Variants in TRABD2A observed in about 807,000 individuals in gnomAD.
TRABD2A encodes the protein metalloprotease TIKI1.
Under a neutral mutation model 45.6 loss-of-function variants are expected in TRABD2A, and 43 were observed. The observed-to-expected ratio is 0.94, with a 90% confidence interval of 0.74 to 1.22. TRABD2A has a LOEUF of 1.22. TRABD2A is among the 50% of genes most tolerant of loss of function. TRABD2A has a pLI of 0.00. For missense variants in TRABD2A, 642 were observed against 652.4 expected, an observed-to-expected ratio of 0.98 and a Z score of 0.17; for synonymous variants, 269 against 265.0, an observed-to-expected ratio of 1.02 and a Z score of -0.15.
At chr2:84,876,503 G>C (rs576797280) in intron 1 of TRABD2A, among the ~76,000 whole-genome samples, 2 of 152,292 alleles carry the variant, frequency 1.3e-5, no homozygotes, top group African/African-American at 4.8e-5. Context: ...AATAAATCAA[G>C]AATTTGAGAA....
chr2:84,875,787 G>A (rs1316562162), intron 1 of TRABD2A, among the ~76,000 whole-genome samples: 1 of 152,128 alleles, frequency 6.6e-6, no homozygotes, highest in Non-Finnish European at 1.5e-5. Context: ...GAGCCCAAAA[G>A]TTTGAGATCA....
intron 2 of TRABD2A, among the ~76,000 whole-genome samples, chr2:84,845,571 G>A (rs969179576): frequency 7.8e-6 from 1 of 127,932 alleles, no homozygotes; most frequent in Non-Finnish European, 1.6e-5. Context: ...AGACAAGGGC[G>A]GGGGAAGAAG....
rs1319085924 is a variant in TRABD2A at position 84,841,852 on chromosome 2, G to C, written c.816+9C>G. The C allele has an allele frequency of 5.3e-6, 8 of 1,512,038 alleles. No individual in the cohort carries two copies. The highest frequency in any genetic ancestry group is 5.2e-5 in the South Asian group (4 of 77,536). The allele number at this position is 1,512,038 out of a possible 1,614,324, so 93.7% of individuals were successfully genotyped here. On this transcript the variant is annotated intron_variant, in intron 3 of 6. Coordinates refer to ENST00000409520, the MANE Select transcript of TRABD2A (RefSeq NM_001277053.2). ...TGTGCTGAGCTTGGCAGGGGGAAAG[G>C]GTGCTCACCTGGGAGCTGTCATGGC...
intron 1 of TRABD2A, among the ~76,000 whole-genome samples, chr2:84,880,363 G>C (rs1452044996): frequency 6.6e-6 from 1 of 152,118 alleles, no homozygotes; most frequent in Admixed American, 6.5e-5. Flanking sequence ...TGGTCACTCC[G>C]CGAACGCACT....
intron 2 of TRABD2A, among the ~76,000 whole-genome samples, chr2:84,858,976 T>A (rs1198323550): frequency 3.9e-5 from 6 of 152,064 alleles, no homozygotes; most frequent in South Asian, 2.1e-4. Flanking sequence ...AAATAAAAAA[T>A]TTTTTAAAAA....
intron 2 of TRABD2A, among the ~76,000 whole-genome samples, chr2:84,865,411 A>G (rs1240815890): frequency 1.3e-5 from 2 of 152,234 alleles, no homozygotes; most frequent in African/African-American, 4.8e-5. Flanking sequence ...TTCAAATAAG[A>G]GCACCTCAGC....
In TRABD2A at chr2:84,822,181, G is replaced by T. The variant is rs147021786; in HGVS notation, c.1335-81C>A. 4.2e-5 allele frequency: 52 copies of T among 1,246,280 alleles called. No individual in the cohort carries two copies. The African/African-American group carries it at 6.7e-4, about 16-fold the overall frequency. The allele number at this position is 1,246,280 out of a possible 1,614,324, so 77.2% of individuals were successfully genotyped here. A position where few individuals can be genotyped will look rare whatever the true frequency, so the allele number is the denominator to read the frequency against. On this transcript the variant is annotated intron_variant, in intron 6 of 6. Transcript: ENST00000409520. ...GCCAAGGCCCCCAAATGCCCACACA[G>T]CTTCTCTTCATCTCCCCTCCTTATA...
intron 2 of TRABD2A, among the ~76,000 whole-genome samples, chr2:84,846,638 C>CAGCT (rs1432178087): frequency 1.3e-5 from 2 of 152,220 alleles, no homozygotes; most frequent in Non-Finnish European, 2.9e-5. Context: ...GCCTCAAAGA[C>CAGCT]AGCTTGGCCT....
Position 84,870,279 on chromosome 2 carries a change from T to C in TRABD2A, c.615A>G (p.Ala205=), listed in dbSNP as rs770536090. The change falls in exon 2 of 7, where the codon GCA becomes GCG. Residue 205 remains alanine (A), a synonymous_variant. Transcript: ENST00000409520. Reference sequence around the variant, plus strand: ...GGCACTGCTCTTCCACCTTTTCCACTGCCCCAGTCTGTTTCCTCAGCCGCT... The same window carrying C: ...GGCACTGCTCTTCCACCTTTTCCACCGCCCCAGTCTGTTTCCTCAGCCGCT... ...EAERLRKQTG[A]VEKVEEQCHP... The C allele has an allele frequency of 3.1e-6, 5 of 1,613,844 alleles. No individual in the cohort carries two copies. In the Admixed American group the frequency reaches 6.7e-5, roughly 22 times the overall value.
At chr2:84,868,475 C>G (rs1682758479) in intron 2 of TRABD2A, among the ~76,000 whole-genome samples, 1 of 149,916 alleles carries the variant, frequency 6.7e-6, no homozygotes, top group Admixed American at 6.6e-5. Context: ...TTATCCTCCC[C>G]CATTAACTAA....
At chr2:84,842,073 G>C (rs1681730144) in intron 2 of TRABD2A, 66 bp from the exon 3 acceptor site, 1 of 1,413,966 alleles carries the variant, frequency 7.1e-7, no homozygotes, top group Non-Finnish European at 9.3e-7. Context: ...TATTTCTTTT[G>C]TCCATGGCTG....
chr2:84,847,596 C>T (rs577228161), intron 2 of TRABD2A, among the ~76,000 whole-genome samples: 5 of 152,270 alleles, frequency 3.3e-5, no homozygotes, highest in African/African-American at 1.2e-4. Context: ...GGACAGTGGC[C>T]AGGAGGGGAG....
chr2:84,839,487 C>T (rs1246272705), intron 3 of TRABD2A, among the ~76,000 whole-genome samples, 164 bp from the exon 4 acceptor site: 1 of 152,102 alleles, frequency 6.6e-6, no homozygotes, highest in Non-Finnish European at 1.5e-5. Context: ...CACTCTATCA[C>T]ATTCCCTGTA....
chr2:84,841,772 TTGTACACAGGA>T, intron 3 of TRABD2A, 78 bp downstream of exon 3: 1 of 1,344,586 alleles, frequency 7.4e-7, no homozygotes. Flanking sequence ...CCTCAATCCT[TTGTACACAGGA>T]TGTACATGTT....
At position 84,881,064 on chromosome 2, in the gene TRABD2A, C is replaced by G; in HGVS notation, c.-25G>C. The G allele has an allele frequency of 6.4e-7, 1 of 1,564,770 alleles. No individual in the cohort carries two copies. The highest frequency in any genetic ancestry group is 8.6e-7 in the Non-Finnish European group (1 of 1,157,020). ...TCCTCCTCAAGGCGGCTCCGAGGCC[C>G]GGAACGCGGAGGGAAGGAGTAGGGC... On this transcript the variant is annotated 5_prime_UTR_variant, in exon 1 of 7. Transcript: ENST00000409520.
intron 2 of TRABD2A, among the ~76,000 whole-genome samples, chr2:84,845,901 A>G (rs1322431465): frequency 1.3e-5 from 2 of 152,136 alleles, no homozygotes; most frequent in Non-Finnish European, 2.9e-5. Flanking sequence ...TACCTGAAAA[A>G]GGGGGCATTT....
chr2:84,832,200 C>T, intron 4 of TRABD2A, 55 bp from the exon 5 acceptor site: 2 of 1,573,276 alleles, frequency 1.3e-6, no homozygotes, highest in Non-Finnish European at 8.7e-7. Flanking sequence ...ACCAAACATA[C>T]TCCCCAAACA....
Position 84,839,232 on chromosome 2 carries a change from T to C in TRABD2A, c.908A>G (p.Lys303Arg), listed in dbSNP as rs753727587. 1.9e-6 allele frequency: 3 copies of C among 1,613,890 alleles called. No homozygotes were observed. In the Admixed American group the frequency reaches 5.0e-5, roughly 27 times the overall value. Residue 303 changes from lysine to arginine, a missense_variant, in exon 4 of 7, where the codon AAG (lysine) becomes AGG (arginine). Physicochemically the swap from Lys to Arg is conservative, Grantham distance 26 (BLOSUM62 2). Coordinates refer to ENST00000409520, the MANE Select transcript of TRABD2A (RefSeq NM_001277053.2). ...DSYLRRELIY[K>R]RNERIGKRVK... Reference sequence around the variant, plus strand: ...CCGCTTCCCTATTCTCTCATTCCGCTTGTAGATCAGCTCCCGGCGTAAGTA... The same window carrying C: ...CCGCTTCCCTATTCTCTCATTCCGCCTGTAGATCAGCTCCCGGCGTAAGTA...
intron 2 of TRABD2A, among the ~76,000 whole-genome samples, chr2:84,866,268 A>G (rs1486418842): frequency 6.6e-6 from 1 of 152,220 alleles, no homozygotes; most frequent in African/African-American, 2.4e-5. Context: ...AGTCCAGCCA[A>G]CTGCTGCTAT....
Sources: allele counts gnomAD v4.1 joint callset (sites outside exome capture counted in the v4.1 genomes callset), GRCh38; gene constraint gnomAD v4.1.1; transcripts MANE v1.5; gene names NCBI Gene and HGNC (gene_info 2026-07-23, HGNC 2026-07-21).